TRANK1: variants seen among roughly 807,000 people sequenced by gnomAD.
TRANK1 encodes the protein tetratricopeptide repeat and ankyrin repeat containing 1.
TRANK1 carries 198 observed loss-of-function variants against 266.0 expected under a neutral mutation model. The ratio of observed to expected loss-of-function variants is 0.74; its 90% CI spans 0.66 to 0.84. TRANK1 has a LOEUF of 0.84. TRANK1 is among the 40% of genes least tolerant of loss of function. The pLI, the probability that TRANK1 is intolerant of heterozygous loss-of-function variation, is 0.00. For missense variants in TRANK1, 3,326 were observed against 3,634.6 expected (o/e 0.92, Z 2.18); for synonymous variants, 1,396 against 1,384.1 (o/e 1.01, Z -0.19).
chr3:36,941,900 G>C (rs2080501582), intron 1 of TRANK1, among the ~76,000 whole-genome samples: 2 of 152,306 alleles, frequency 1.3e-5, no homozygotes, highest in African/African-American at 4.8e-5. Context: ...GCAAAGCACT[G>C]ACATGTCAGC....
chr3:36,904,197 G>A (rs1009700760), intron 2 of TRANK1, among the ~76,000 whole-genome samples: 6 of 151,764 alleles, frequency 4.0e-5, no homozygotes, highest in East Asian at 2.0e-4. Flanking sequence ...CTCGTGATCC[G>A]CCTGCCTCAG....
intron 1 of TRANK1, among the ~76,000 whole-genome samples, chr3:36,938,639 G>A (rs1273407886): frequency 6.6e-6 from 1 of 152,116 alleles, no homozygotes; most frequent in Non-Finnish European, 1.5e-5. Flanking sequence ...CACACTCCCA[G>A]CCTCCAGAGT....
chr3:36,830,132 T>C (rs1380917147), intron 22 of TRANK1, among the ~76,000 whole-genome samples: 1 of 152,096 alleles, frequency 6.6e-6, no homozygotes, highest in Non-Finnish European at 1.5e-5. Context: ...CTGGCCAACA[T>C]GGTGAAACCA....
chr3:36,925,713 C>T (rs527547883), intron 1 of TRANK1, among the ~76,000 whole-genome samples: 1 of 152,058 alleles, frequency 6.6e-6, no homozygotes, highest in South Asian at 2.1e-4. Context: ...GCCTCAGCCT[C>T]CCGAGTAGCT....
intron 15 of TRANK1, among the ~76,000 whole-genome samples, chr3:36,848,184 G>C (rs1397486344): frequency 6.6e-6 from 1 of 152,170 alleles, no homozygotes; most frequent in African/African-American, 2.4e-5. Context: ...GAATGAGTGT[G>C]TCATGTTCCA....
intron 10 of TRANK1, among the ~76,000 whole-genome samples, chr3:36,861,984 C>T (rs571589119): frequency 1.8e-4 from 27 of 152,134 alleles, no homozygotes; most frequent in African/African-American, 6.3e-4. Flanking sequence ...AGATTACAGG[C>T]GTGAGCCACT....
chr3:36,904,385 TG>T (rs1387453018), intron 2 of TRANK1, among the ~76,000 whole-genome samples: 1 of 151,660 alleles, frequency 6.6e-6, no homozygotes, highest in East Asian at 2.0e-4. Context: ...CTGGGTGTGG[TG>T]GGGTGCACCT....
At chr3:36,873,814 T>G (rs2079344272) in intron 9 of TRANK1, among the ~76,000 whole-genome samples, 1 of 151,980 alleles carries the variant, frequency 6.6e-6, no homozygotes, top group Non-Finnish European at 1.5e-5. Context: ...TTATCTCATA[T>G]TCTGTCTAAT....
chr3:36,834,676 A>C (rs2078743481), intron 21 of TRANK1, 86 bp downstream of exon 21: 10 of 1,461,572 alleles, frequency 6.8e-6, no homozygotes. Context: ...TGTCAGAAGC[A>C]GCAGGATAGC....
chr3:36,888,084 AAAC>A (rs1395521416), intron 8 of TRANK1, among the ~76,000 whole-genome samples: 2 of 152,246 alleles, frequency 1.3e-5, no homozygotes, highest in Admixed American at 6.5e-5. Context: ...CAGAAAGTGG[AAAC>A]AACCCAAACG....
intron 11 of TRANK1, among the ~76,000 whole-genome samples, chr3:36,860,287 G>T (rs748246404): frequency 7.2e-5 from 11 of 152,186 alleles, no homozygotes; most frequent in Non-Finnish European, 1.6e-4. Context: ...CACACAGTTA[G>T]TACTGGCATT....
At chr3:36,845,223 A>C (rs1006875479) in intron 17 of TRANK1, among the ~76,000 whole-genome samples, 3 of 152,218 alleles carry the variant, frequency 2.0e-5, no homozygotes, top group African/African-American at 7.2e-5. Flanking sequence ...TATGCATGCT[A>C]TCTCTCCAAA....
At position 36,857,807 on chromosome 3, in the gene TRANK1, C is replaced by T. The variant is rs1378497920; in HGVS notation, c.1915G>A (p.Asp639Asn). 1.2e-6 allele frequency: 2 copies of T among 1,613,990 alleles called. No homozygotes were observed. The highest frequency in any genetic ancestry group is 1.7e-6 in the Non-Finnish European group (2 of 1,179,898). ...KDARHRIKKN[D>N]SLLLAWNKAL... is the part of the protein sequence containing the mutation. ...TTGTTCCAGGCCAAGAGCAGAGAGT[C>T]GTTCTTCTTAATCCGGTGCCGTGCA... is the stretch of plus-strand genomic sequence containing the variant. Residue 639 changes from aspartate to asparagine, a missense_variant, in exon 13 of 24, where the codon GAC becomes AAC. Coordinates refer to ENST00000645898, the MANE Select transcript of TRANK1 (RefSeq NM_001329998.2). The surrounding 1 kb of genome is among the most constrained non-coding windows in gnomAD (Gnocchi z 4.3).
rs192039665 is a variant in TRANK1 at position 36,873,833 on chromosome 3, T to A, written c.1078+293A>T. On this transcript the variant is annotated intron_variant, in intron 9 of 23. Coordinates refer to ENST00000645898, the MANE Select transcript of TRANK1 (RefSeq NM_001329998.2). ...CTCATATTCTGTCTAATTTTTTTCCTTTTTTTGCTGTGTACATGCATGGGA... is the reference window on the plus strand; with the variant it reads ...CTCATATTCTGTCTAATTTTTTTCCATTTTTTGCTGTGTACATGCATGGGA... Among the ~76,000 whole-genome samples, 602 of 150,156 alleles carry A rather than the reference T, an allele frequency of 4.0e-3. 1 individual carries two copies. Among genetic ancestry groups the A allele is most frequent in the African/African-American group, 0.014 (580 of 41,178 alleles).
chr3:36,851,831 G>A lies in TRANK1; in HGVS notation c.4775C>T (p.Ala1592Val), dbSNP rs779812564. Residue 1592 changes from alanine to valine, a missense_variant, in exon 15 of 24, where the codon GCA (alanine) becomes GTA (valine). Coordinates refer to ENST00000645898, the MANE Select transcript of TRANK1 (RefSeq NM_001329998.2). The part of the protein sequence containing the change: ...HQVILVANET[A>V]KEKIPEELGL... ...CAGCTCTTCTGGAATTTTCTCCTTTGCCGTTTCATTGGCCACAAGGATTAC... is the reference window on the plus strand; with the variant it reads ...CAGCTCTTCTGGAATTTTCTCCTTTACCGTTTCATTGGCCACAAGGATTAC... 4 of 1,604,440 alleles carry A rather than the reference G, an allele frequency of 2.5e-6. No individual in the cohort carries two copies. The highest frequency in any genetic ancestry group is 8.5e-7 in the Non-Finnish European group (1 of 1,175,552).
At chr3:36,888,632 C>A (rs1392508805) in intron 8 of TRANK1, among the ~76,000 whole-genome samples, 1 of 152,198 alleles carries the variant, frequency 6.6e-6, no homozygotes, top group Non-Finnish European at 1.5e-5. Flanking sequence ...AGAGAGGAAA[C>A]TGCAGTTTCC....
intron 20 of TRANK1, among the ~76,000 whole-genome samples, chr3:36,837,249 C>G (rs2078782643): frequency 6.6e-6 from 1 of 152,196 alleles, no homozygotes; most frequent in Non-Finnish European, 1.5e-5. Context: ...CTTCTTGCCT[C>G]TAGAGAGCAG....
Position 36,857,158 on chromosome 3 carries a change from A to G in TRANK1, c.2564T>C (p.Ile855Thr). Residue 855 changes from isoleucine to threonine, a missense_variant, in exon 13 of 24, where the codon ATC becomes ACC. Coordinates refer to ENST00000645898, the MANE Select transcript of TRANK1 (RefSeq NM_001329998.2). This position sits in a 1 kb window ranked among gnomAD's most constrained non-coding sequence, Gnocchi z 4.3. ...KLSSKVMTKV[I>T]KKKIILAIQQ... ...AATGGCAAGGATGATTTTCTTCTTG[A>G]TGACCTTGGTCATTACCTTACTAGA... The G allele has an allele frequency of 1.2e-6, 2 of 1,613,910 alleles. No individual in the cohort carries two copies. Among genetic ancestry groups the G allele is most frequent in the South Asian group, 2.2e-5 (2 of 91,080 alleles).
Position 36,828,176 on chromosome 3 carries a change from AT to A in TRANK1, c.*98del. 1.2e-6 allele frequency: 1 copy of A among 858,332 alleles called. No homozygotes were observed. The highest frequency in any genetic ancestry group is 1.9e-6 in the Non-Finnish European group (1 of 536,390). 53.2% of individuals were successfully genotyped at this position (858,332 alleles called of 1,614,324 possible). On this transcript the variant is annotated 3_prime_UTR_variant, in exon 24 of 24. Transcript: ENST00000645898. ...GTTGTTAGACTCCCCTATTTTTAAAATGCTAATTCACATTCTTTTTGTCTTC... is the reference window on the plus strand; with the variant it reads ...GTTGTTAGACTCCCCTATTTTTAAAAGCTAATTCACATTCTTTTTGTCTTC...
Sources: allele counts gnomAD v4.1 joint callset (sites outside exome capture counted in the v4.1 genomes callset), GRCh38; gene constraint gnomAD v4.1.1; non-coding constraint Gnocchi (gnomAD v3.1); transcripts MANE v1.5; gene names NCBI Gene and HGNC (gene_info 2026-07-23, HGNC 2026-07-21).